The following SCUBE2 variants were observed in gnomAD, a reference collection of about 807,000 sequenced individuals.
SCUBE2 encodes the protein signal peptide, CUB domain and EGF like domain containing 2, also known as signal peptide, CUB and EGF-like domain-containing protein 2.
In SCUBE2, 114 loss-of-function variants were observed where a neutral mutation model predicts 125.9. The observed-to-expected ratio is 0.91, with a 90% CI of 0.78 to 1.06. The LOEUF is 1.06. Ranked by LOEUF, SCUBE2 falls within the 50% of genes least tolerant of loss-of-function variation. The pLI is 0.00. For missense variants in SCUBE2, 1,255 were observed against 1,301.8 expected, an observed-to-expected ratio of 0.96 and a Z score of 0.55; for synonymous variants, 459 against 492.9, an observed-to-expected ratio of 0.93 and a Z score of 0.91.
At chr11:9,049,351 C>T (rs112262477) in intron 14 of SCUBE2, among the ~76,000 whole-genome samples, 2,090 of 152,250 alleles carry the variant, frequency 0.014, 43 homozygotes, top group African/African-American at 0.048. Flanking sequence ...TCAAGTGATC[C>T]GCCCGCCTTG....
intron 13 of SCUBE2, among the ~76,000 whole-genome samples, chr11:9,052,512 C>T (rs1482037341): frequency 2.6e-5 from 4 of 152,206 alleles, no homozygotes; most frequent in East Asian, 3.9e-4. Context: ...TGATGACCCA[C>T]CAGGGCTGAC....
chr11:9,081,502 A>G (rs1189428824), intron 2 of SCUBE2, among the ~76,000 whole-genome samples: 2 of 152,098 alleles, frequency 1.3e-5, no homozygotes, highest in Non-Finnish European at 2.9e-5. Context: ...AGATTCCACC[A>G]TGTTGTAGCA....
At chr11:9,066,194 T>A (rs1860211195) in intron 6 of SCUBE2, among the ~76,000 whole-genome samples, 1 of 152,072 alleles carries the variant, frequency 6.6e-6, no homozygotes, top group South Asian at 2.1e-4. Context: ...TGGAAAAGAT[T>A]TTGGAGGTAT....
In SCUBE2 at chr11:9,030,814, C is replaced by T. The variant is rs762128625; in HGVS notation, c.2285G>A (p.Gly762Glu). ...AGRTSCFPCG[G>E]GLATKHQGAT... ...TCCCTGATGTTTGGTGGCAAGGCCT[C>T]CTCCACAGGGGAAGCAGGAAGTTCG... Residue 762 changes from glycine to glutamate, a missense_variant, in exon 18 of 23, where the codon GGA becomes GAA. Gly to Glu is a moderately conservative substitution (Grantham distance 98). This residue lies in a region of SCUBE2 where 515 missense variants were observed against 515.7 expected (regional missense o/e 1.00). Transcript: ENST00000649792. 3 of 1,614,198 alleles carry T rather than the reference C, an allele frequency of 1.9e-6. No homozygotes were observed. In the East Asian group the frequency reaches 6.7e-5, roughly 36 times the overall value.
chr11:9,053,208 C>T lies in SCUBE2; in HGVS notation c.1338G>A (p.Lys446=). 2.5e-6 allele frequency: 4 copies of T among 1,613,782 alleles called. No individual in the cohort carries two copies. The highest frequency in any genetic ancestry group is 3.4e-6 in the Non-Finnish European group (4 of 1,179,646). ...GTGACACACTTGTGGGCAGGAGCCC[C>T]TTCACTTCTAGACAGGACAAAACAG... ...HWNKKDCVEV[K]GLLPTSVSPR... Residue 446 remains lysine (K), a synonymous_variant, in exon 12 of 23, where the codon AAG becomes AAA. Transcript: ENST00000649792.
intron 16 of SCUBE2, among the ~76,000 whole-genome samples, chr11:9,037,513 A>C (rs1274683508): frequency 6.6e-6 from 1 of 152,208 alleles, no homozygotes; most frequent in African/African-American, 2.4e-5. Context: ...GATGAACCTA[A>C]TAAAAGGGGT....
chr11:9,089,657 G>A lies in SCUBE2; in HGVS notation c.256+50C>T, dbSNP rs768035393. On this transcript the variant is annotated intron_variant, in intron 2 of 22. Transcript: ENST00000649792. ...ATAAGTGGCCACTGCAAGAGCTAAG[G>A]AGGTAGGAGCTTCCCTACAGTCCCC... 3 of 1,598,542 alleles carry A rather than the reference G, an allele frequency of 1.9e-6. No homozygotes were observed. The East Asian group carries it at 6.7e-5, about 36-fold the overall frequency.
chr11:9,045,645 A>G (rs1476310989), intron 16 of SCUBE2, among the ~76,000 whole-genome samples: 1 of 150,518 alleles, frequency 6.6e-6, no homozygotes, highest in Non-Finnish European at 1.5e-5. Context: ...ACACACACAC[A>G]CACACACACA....
chr11:9,082,638 C>T (rs776114690), intron 2 of SCUBE2, among the ~76,000 whole-genome samples: 25 of 152,236 alleles, frequency 1.6e-4, no homozygotes, highest in East Asian at 3.9e-4. Flanking sequence ...TACTATTAAA[C>T]GATAAAAATG....
At position 9,027,460 on chromosome 11, in the gene SCUBE2, T is replaced by C; in HGVS notation, c.2605A>G (p.Asn869Asp). The C allele has an allele frequency of 6.2e-7, 1 of 1,614,034 alleles. No individual in the cohort carries two copies. Among genetic ancestry groups the C allele is most frequent in the Non-Finnish European group, 8.5e-7 (1 of 1,179,990 alleles). Residue 869 changes from asparagine (N) to aspartate (D), a missense_variant, in exon 20 of 23, where the codon AAC (asparagine) becomes GAC (aspartate). Transcript: ENST00000649792. ...PANTECTWTI[N>D]PPPKRRILIV... is the part of the protein sequence containing the mutation. ...AGGATGCGGCGCTTGGGGGGTGGGTTGATGGTCCACGTACACTCGGTGTTG... is the reference window on the plus strand; with the variant it reads ...AGGATGCGGCGCTTGGGGGGTGGGTCGATGGTCCACGTACACTCGGTGTTG...
At chr11:9,065,831 T>C in intron 7 of SCUBE2, 60 bp downstream of exon 7, 1 of 1,444,660 alleles carries the variant, frequency 6.9e-7, no homozygotes, top group Non-Finnish European at 9.7e-7. Context: ...TCTGATGCAA[T>C]AAGTTGGGGA....
chr11:9,045,109 C>T (rs1021959708), intron 16 of SCUBE2, among the ~76,000 whole-genome samples: 4 of 152,062 alleles, frequency 2.6e-5, no homozygotes, highest in African/African-American at 7.2e-5. Context: ...GAGATGTTTG[C>T]GTGTTTCTTT....
At chr11:9,026,546 C>G (rs1406464631) in intron 20 of SCUBE2, 1 of 151,932 alleles carries the variant, frequency 6.6e-6, no homozygotes, top group South Asian at 2.1e-4. Flanking sequence ...CAGGCTTAAG[C>G]GATTCACCCA....
Position 9,054,725 on chromosome 11 carries a change from A to ATT in SCUBE2, c.1208-968_1208-967dup, listed in dbSNP as rs1174774188. On this transcript the variant is annotated intron_variant, in intron 10 of 22. Transcript: ENST00000649792. Reference sequence around the variant, plus strand: ...TGTATATATATATATATATATATATATTTTTTTTTTTTTTTTTTTTTTTTT... The same window carrying ATT: ...TGTATATATATATATATATATATATATTTTTTTTTTTTTTTTTTTTTTTTTTT... Among the ~76,000 whole-genome samples, 20 of 22,348 alleles carry ATT rather than the reference A, an allele frequency of 8.9e-4. 3 individuals carry two copies. The highest frequency in any genetic ancestry group is 3.2e-3 in the East Asian group (1 of 314). The allele number at this position is 22,348 out of a possible 152,430, so 14.7% of individuals were successfully genotyped here.
chr11:9,035,755 T>C (rs1345312303), intron 16 of SCUBE2, among the ~76,000 whole-genome samples: 11 of 151,722 alleles, frequency 7.3e-5, no homozygotes, highest in Admixed American at 6.6e-4. Flanking sequence ...GCAAAAAATA[T>C]GCCACATTTT....
At chr11:9,036,938 C>T (rs1201847212) in intron 16 of SCUBE2, among the ~76,000 whole-genome samples, 1 of 152,200 alleles carries the variant, frequency 6.6e-6, no homozygotes, top group Non-Finnish European at 1.5e-5. Context: ...CAATGAAAGG[C>T]CTGCTTCACA....
intron 9 of SCUBE2, 43 bp downstream of exon 9, chr11:9,059,260 C>A: frequency 6.2e-7 from 1 of 1,600,898 alleles, no homozygotes; most frequent in Non-Finnish European, 8.5e-7. Flanking sequence ...TCTGCTCCAA[C>A]CTGTGGGCCA....
At chr11:9,066,580 C>CT in intron 6 of SCUBE2, 117 bp downstream of exon 6, 1 of 830,514 alleles carries the variant, frequency 1.2e-6, no homozygotes, top group Non-Finnish European at 2.0e-6. Context: ...ACAGGGCCTG[C>CT]TGGGGGGGCA....
intron 3 of SCUBE2, among the ~76,000 whole-genome samples, chr11:9,075,626 C>T (rs1861155138): frequency 6.6e-6 from 1 of 152,196 alleles, no homozygotes; most frequent in Non-Finnish European, 1.5e-5. Flanking sequence ...CTGGGAACCA[C>T]TAGAGTAGGG....
Sources: allele counts gnomAD v4.1 joint callset (sites outside exome capture counted in the v4.1 genomes callset), GRCh38; gene constraint gnomAD v4.1.1; regional missense constraint gnomAD v4.1.1; transcripts MANE v1.5; gene names NCBI Gene and HGNC (gene_info 2026-07-23, HGNC 2026-07-21).